The following GPC1 variants were observed in gnomAD, a reference collection of about 807,000 sequenced individuals.
The protein encoded by GPC1 is glypican-1.
A neutral mutation model predicts 51.5 loss-of-function variants in GPC1; 26 were observed. The observed-to-expected ratio is 0.50, with a 90% confidence interval of 0.37 to 0.70. GPC1 has a LOEUF of 0.70. GPC1 is among the 30% of genes least tolerant of loss of function. GPC1 has a pLI of 0.00. For synonymous variants in GPC1, 380 were observed against 348.3 expected, an observed-to-expected ratio of 1.09 and a Z score of -1.01; for missense variants, 775 against 800.5, an observed-to-expected ratio of 0.97 and a Z score of 0.38.
chr2:240,464,497 G>A, intron 4 of GPC1, 119 bp from the exon 5 acceptor site: 2 of 1,362,002 alleles, frequency 1.5e-6, no homozygotes, highest in Non-Finnish European at 2.1e-6. Context: ...GATCTCCCAT[G>A]CTGACCCGTG....
intron 1 of GPC1, among the ~76,000 whole-genome samples, chr2:240,455,299 G>A (rs1476588167): frequency 6.6e-6 from 1 of 152,220 alleles, no homozygotes; most frequent in Non-Finnish European, 1.5e-5. Context: ...GACTGAGGGA[G>A]GGGAGCGCTG....
intron 1 of GPC1, among the ~76,000 whole-genome samples, chr2:240,444,292 G>A (rs2074036045): frequency 6.6e-6 from 1 of 152,200 alleles, no homozygotes; most frequent in Non-Finnish European, 1.5e-5. Flanking sequence ...GGCGGGCCAG[G>A]AAGTACAACG....
At chr2:240,463,563 A>T in intron 4 of GPC1, 51 bp downstream of exon 4, 1 of 1,536,540 alleles carries the variant, frequency 6.5e-7, no homozygotes, top group African/African-American at 1.4e-5. Flanking sequence ...GGAGTGCACG[A>T]CTGGGGGTCC....
chr2:240,436,027 C>A lies in GPC1; in HGVS notation c.109C>A (p.Gln37Lys). 1 of 1,388,010 alleles carries A rather than the reference C, an allele frequency of 7.2e-7. No homozygotes were observed. Among genetic ancestry groups the A allele is most frequent in the Non-Finnish European group, 9.4e-7 (1 of 1,068,196 alleles). 86.0% of individuals were successfully genotyped at this position (1,388,010 alleles called of 1,614,324 possible). A position where few individuals can be genotyped will look rare whatever the true frequency, so the allele number is the denominator to read the frequency against. ...GAGCCGGAGCTGCGGCGAGGTCCGC[C>A]AGATCTACGGAGCCAAGGGCTTCAG... ...SKSRSCGEVRQIYGAKGFSLS... is the reference protein window; with the variant it reads ...SKSRSCGEVRKIYGAKGFSLS... The change falls in exon 1 of 9, where the codon CAG (glutamine) becomes AAG (lysine). Residue 37 changes from glutamine to lysine, a missense_variant. Transcript: ENST00000264039.
chr2:240,465,970 G>A, intron 8 of GPC1, 88 bp from the exon 9 acceptor site: 1 of 674,576 alleles, frequency 1.5e-6, no homozygotes, highest in Non-Finnish European at 2.4e-6. Context: ...AAGGATGTTG[G>A]GGTCACCTGG....
chr2:240,459,219 G>T (rs149177748), intron 2 of GPC1, 31 bp downstream of exon 2: 2 of 1,596,634 alleles, frequency 1.3e-6, no homozygotes, highest in South Asian at 2.2e-5. Context: ...CTCGGGGCCC[G>T]CAGGGTGCCG....
chr2:240,463,974 C>G lies in GPC1; in HGVS notation c.883+462C>G, dbSNP rs1056926021. 3 of 218,382 alleles carry G rather than the reference C, an allele frequency of 1.4e-5. No homozygotes were observed. The South Asian group carries it at 2.6e-4, about 19-fold the overall frequency. The allele number at this position is 218,382 out of a possible 1,614,324, so 13.5% of individuals were successfully genotyped here. A position where few individuals can be genotyped will look rare whatever the true frequency, so the allele number is the denominator to read the frequency against. ...ATGTGATGACATGAGCTGGGCTGAC[C>G]CGCATCAATGCCAACACGTGTGTGG... is the stretch of plus-strand genomic sequence containing the variant. On this transcript the variant is annotated intron_variant, in intron 4 of 8. Transcript: ENST00000264039.
chr2:240,440,832 G>A (rs1211144080), intron 1 of GPC1, among the ~76,000 whole-genome samples: 1 of 152,238 alleles, frequency 6.6e-6, no homozygotes, highest in African/African-American at 2.4e-5. Context: ...TGGCCGTGCC[G>A]CCCAGAGAGT....
rs372909320 is a variant in GPC1 at position 240,466,226 on chromosome 2, C to T, written c.1613C>T (p.Pro538Leu). 39 of 1,612,838 alleles carry T rather than the reference C, an allele frequency of 2.4e-5. No individual in the cohort carries two copies. Among genetic ancestry groups the T allele is most frequent in the Middle Eastern group, 1.7e-4 (1 of 6,060 alleles). The part of the protein sequence containing the change: ...KTSAASCPQP[P>L]TFLLPLLLFL... The stretch of plus-strand genomic sequence containing the variant: ...TCGGCTGCCAGCTGCCCCCAGCCCC[C>T]GACCTTCCTCCTGCCCCTCCTCCTC... Residue 538 changes from proline to leucine, a missense_variant, in exon 9 of 9, where the codon CCG becomes CTG. Transcript: ENST00000264039.
chr2:240,458,862 C>G, intron 1 of GPC1, 168 bp from the exon 2 acceptor site: 2 of 605,022 alleles, frequency 3.3e-6, no homozygotes, highest in South Asian at 2.0e-5. Flanking sequence ...TTTCCTCCCT[C>G]CACACCCCGA....
intron 2 of GPC1, 61 bp downstream of exon 2, chr2:240,459,249 C>T (rs2074196915): frequency 1.3e-6 from 2 of 1,487,000 alleles, no homozygotes; most frequent in Non-Finnish European, 9.2e-7. Flanking sequence ...GGGAGGGGCA[C>T]ACTGGGCCTT....
Position 240,456,741 on chromosome 2 carries a change from C to T in GPC1, c.167-2289C>T, listed in dbSNP as rs560806928. On this transcript the variant is annotated intron_variant, in intron 1 of 8. Transcript: ENST00000264039. ...GGCCCCAGGAAAGGACCCGGAGGGG[C>T]GGTTCCTGCTCTAAATCCTGCCCCC... 6.0e-4 allele frequency: 247 copies of T among 414,076 alleles called. 2 individuals are homozygous for T. The highest frequency in any genetic ancestry group is 3.9e-3 in the South Asian group (230 of 58,478). 25.7% of individuals were successfully genotyped at this position (414,076 alleles called of 1,614,324 possible).
intron 1 of GPC1, chr2:240,456,118 G>A (rs947668053): frequency 7.8e-5 from 22 of 283,600 alleles, no homozygotes; most frequent in Admixed American, 7.6e-4. Flanking sequence ...CCGGCTGGGC[G>A]AGTTGGCCGG....
intron 1 of GPC1, chr2:240,451,269 C>T (rs868421673): frequency 7.0e-5 from 33 of 470,888 alleles, no homozygotes; most frequent in African/African-American, 4.4e-4. Flanking sequence ...GACGGGCCTG[C>T]GCGGCGTCTT....
At chr2:240,463,306 C>T (rs1307657691) in intron 3 of GPC1, 41 bp from the exon 4 acceptor site, 1 of 1,593,810 alleles carries the variant, frequency 6.3e-7, no homozygotes, top group Admixed American at 1.7e-5. Context: ...CCAGGCACCC[C>T]CAGGGCCTCG....
chr2:240,457,566 C>T (rs539630508), intron 1 of GPC1: 18 of 439,880 alleles, frequency 4.1e-5, no homozygotes, highest in Non-Finnish European at 6.4e-5. Flanking sequence ...TTGCAGTAAG[C>T]GGGTAGGGCA....
At chr2:240,453,012 G>A (rs1279680629) in intron 1 of GPC1, 6 of 349,640 alleles carry the variant, frequency 1.7e-5, no homozygotes, top group African/African-American at 1.2e-4. Context: ...TGGAGCCGCC[G>A]CTGCGAAGGG....
chr2:240,439,947 C>G (rs778102865), intron 1 of GPC1, among the ~76,000 whole-genome samples: 2 of 152,238 alleles, frequency 1.3e-5, no homozygotes, highest in African/African-American at 2.4e-5. Context: ...GGCCTGGGTC[C>G]CTGCTGGACC....
At chr2:240,437,999 G>T (rs1191276838) in intron 1 of GPC1, among the ~76,000 whole-genome samples, 4 of 152,132 alleles carry the variant, frequency 2.6e-5, no homozygotes, top group African/African-American at 7.2e-5. Context: ...TTGGGTTGGG[G>T]AATGCAGTGG....
Sources: allele counts gnomAD v4.1 joint callset (sites outside exome capture counted in the v4.1 genomes callset), GRCh38; gene constraint gnomAD v4.1.1; transcripts MANE v1.5; gene names NCBI Gene and HGNC (gene_info 2026-07-23, HGNC 2026-07-21).